The following STAT4 variants were observed in gnomAD, a reference collection of about 807,000 sequenced individuals.
STAT4 encodes the protein signal transducer and activator of transcription 4.
In STAT4, 42 loss-of-function variants were observed where a neutral mutation model predicts 110.5. The observed-to-expected ratio is 0.38, with a 90% CI of 0.30 to 0.49. The LOEUF (loss-of-function observed/expected upper bound fraction) is 0.49. Among genes scored for constraint, STAT4 ranks in the 20% least tolerant of loss-of-function variants. The probability of loss-of-function intolerance (pLI) is 0.95; values close to 1 mark genes in which losing one functional copy is unlikely to be tolerated. For missense variants in STAT4, 632 were observed against 887.9 expected (o/e 0.71, Z 3.66); for synonymous variants, 284 against 302.2 (o/e 0.94, Z 0.63).
intron 3 of STAT4, among the ~76,000 whole-genome samples, chr2:191,145,516 T>C (rs1176731662): frequency 6.6e-6 from 1 of 152,210 alleles, no homozygotes; most frequent in East Asian, 1.9e-4. Context: ...AAAGACAGAT[T>C]GCTGTATGCT....
In STAT4 at chr2:191,030,565, G is replaced by A. The variant is rs566744335; in HGVS notation, c.2220+407C>T. Among the ~76,000 whole-genome samples, 17 of 152,164 alleles carry A rather than the reference G, an allele frequency of 1.1e-4. No individual in the cohort carries two copies. The highest frequency in any genetic ancestry group is 3.6e-4 in the African/African-American group (15 of 41,500). ...TTTGCACTGTTAAGATAGCAAACTG[G>A]GTTTACTAGATAGTAAGTAACTAGT... is the stretch of plus-strand genomic sequence containing the variant. On this transcript the variant is annotated intron_variant, in intron 23 of 23. Coordinates refer to ENST00000392320, the MANE Select transcript of STAT4 (RefSeq NM_003151.4). The surrounding 1 kb of genome is among the most constrained non-coding windows in gnomAD (Gnocchi z 4.4).
rs3024926 is a variant in STAT4 at position 191,061,217 on chromosome 2, T to C, written c.1034+512A>G. ...AAAACTGTGGTATTGGGAGTTTTTG[T>C]GGAAAGTCTAATAAGCCAGTTACTG... On this transcript the variant is annotated intron_variant, in intron 10 of 23. Coordinates refer to ENST00000392320, the MANE Select transcript of STAT4 (RefSeq NM_003151.4). The surrounding 1 kb of genome is among the most constrained non-coding windows in gnomAD (Gnocchi z 6.2). 3.1e-3 allele frequency among the ~76,000 whole-genome samples: 465 copies of C among 152,282 alleles called. 2 individuals carry two copies. Among genetic ancestry groups the C allele is most frequent in the Non-Finnish European group, 4.9e-3 (335 of 68,012 alleles).
At chr2:191,109,397 A>G (rs1330628091) in intron 3 of STAT4, among the ~76,000 whole-genome samples, 3 of 152,098 alleles carry the variant, frequency 2.0e-5, no homozygotes, top group Non-Finnish European at 4.4e-5. Context: ...GCATTCACTC[A>G]GCAAATATCT....
At chr2:191,105,208 C>T (rs531100060) in intron 3 of STAT4, among the ~76,000 whole-genome samples, 1 of 152,304 alleles carries the variant, frequency 6.6e-6, no homozygotes, top group East Asian at 1.9e-4. Flanking sequence ...TTCCTCGTTC[C>T]CTGCTTTTGC....
At chr2:191,095,411 A>T (rs1437185345) in intron 3 of STAT4, among the ~76,000 whole-genome samples, 3 of 152,124 alleles carry the variant, frequency 2.0e-5, no homozygotes, top group African/African-American at 7.2e-5. Context: ...ACAACAAACT[A>T]TCTCTCAGAC....
At chr2:191,088,828 AG>A (rs954265224) in intron 3 of STAT4, among the ~76,000 whole-genome samples, 10 of 152,212 alleles carry the variant, frequency 6.6e-5, no homozygotes, top group Admixed American at 4.6e-4. Flanking sequence ...AACAGAACAA[AG>A]GTGGTCTTTT....
chr2:191,118,770 G>A (rs980077153), intron 3 of STAT4, among the ~76,000 whole-genome samples: 7 of 152,008 alleles, frequency 4.6e-5, no homozygotes, highest in Non-Finnish European at 7.4e-5. Flanking sequence ...TGTTATGATC[G>A]TTTTTTGAGT....
chr2:191,148,155 G>A lies in STAT4; in HGVS notation c.49C>T (p.Gln17Ter), dbSNP rs1699504085. Residue 17 changes from glutamine to a stop codon, truncating the protein, a stop_gained, in exon 2 of 24, where the codon CAG becomes TAG. Transcript: ENST00000392320. LOFTEE classifies it high-confidence loss of function. ...TTGTCATCATAGAATTGATCCACCTGCTCCAAAAACTTGATTTCTAACTGT... is the reference window on the plus strand; with the variant it reads ...TTGTCATCATAGAATTGATCCACCTACTCCAAAAACTTGATTTCTAACTGT... Reference protein sequence around the residue: ...VQQLEIKFLEQVDQFYDDNFP... With the variant: ...VQQLEIKFLE The A allele has an allele frequency of 6.2e-7, 1 of 1,613,738 alleles. No individual in the cohort carries two copies. The highest frequency in any genetic ancestry group is 8.5e-7 in the Non-Finnish European group (1 of 1,179,810).
In STAT4 at chr2:191,116,688, A is replaced by G. The variant is rs1484328004; in HGVS notation, c.273+29925T>C. 6.6e-6 allele frequency among the ~76,000 whole-genome samples: 1 copy of G among 152,188 alleles called. No individual in the cohort carries two copies. The highest frequency in any genetic ancestry group is 2.4e-5 in the African/African-American group (1 of 41,452). ...TATAATTACTTGCAATTACTTAATTACTGTCCTCTTTGGTTCATCACATAC... is the reference window on the plus strand; with the variant it reads ...TATAATTACTTGCAATTACTTAATTGCTGTCCTCTTTGGTTCATCACATAC... On this transcript the variant is annotated intron_variant, in intron 3 of 23. Transcript: ENST00000392320. The surrounding 1 kb of genome is among the most constrained non-coding windows in gnomAD (Gnocchi z 4.1).
At position 191,104,144 on chromosome 2, in the gene STAT4, C is replaced by T. The variant is rs1698214978; in HGVS notation, c.274-27819G>A. On this transcript the variant is annotated intron_variant, in intron 3 of 23. Coordinates refer to ENST00000392320, the MANE Select transcript of STAT4 (RefSeq NM_003151.4). The surrounding 1 kb of genome is among the most constrained non-coding windows in gnomAD (Gnocchi z 4.3). ...TTCATCTCTAATACTTTTAAAAAGA[C>T]AAGAAAAAATATACTAAAGTATCAA... 6.6e-6 allele frequency among the ~76,000 whole-genome samples: 1 copy of T among 151,968 alleles called. No homozygotes were observed. The highest frequency in any genetic ancestry group is 1.5e-5 in the Non-Finnish European group (1 of 67,960).
rs1284044738 is a variant in STAT4, at chr2:191,066,172, A to G, written c.630+258T>C. 6.6e-6 allele frequency among the ~76,000 whole-genome samples: 1 copy of G among 152,222 alleles called. No homozygotes were observed. Among genetic ancestry groups the G allele is most frequent in the African/African-American group, 2.4e-5 (1 of 41,448 alleles). ...TAATGACAAATAAAAATTGGGTAAA[A>G]TTTCCACCTTGAAATTAATGTTAGC... On this transcript the variant is annotated intron_variant, in intron 7 of 23. Transcript: ENST00000392320. The surrounding 1 kb of genome is among the most constrained non-coding windows in gnomAD (Gnocchi z 4.3).
At chr2:191,118,654 G>A (rs1485578764) in intron 3 of STAT4, among the ~76,000 whole-genome samples, 1 of 152,020 alleles carries the variant, frequency 6.6e-6, no homozygotes, top group Non-Finnish European at 1.5e-5. Flanking sequence ...TTTTTATTAT[G>A]AATAATAATA....
chr2:191,039,949 T>C lies in STAT4; in HGVS notation c.1336-652A>G, dbSNP rs1696143174. Among the ~76,000 whole-genome samples, 1 of 152,256 alleles carries C rather than the reference T, an allele frequency of 6.6e-6. No homozygotes were observed. The highest frequency in any genetic ancestry group is 6.5e-5 in the Admixed American group (1 of 15,286). The stretch of plus-strand genomic sequence containing the variant: ...ATAACAGACATCAGATTCCTGTAGA[T>C]GGTAAAATACCCATTTGAGGAACTT... On this transcript the variant is annotated intron_variant, in intron 15 of 23. Transcript: ENST00000392320. This position sits in a 1 kb window ranked among gnomAD's most constrained non-coding sequence, Gnocchi z 4.7.
rs190022268 is a variant in STAT4 at position 191,065,286 on chromosome 2, A to T, written c.631-328T>A. Among the ~76,000 whole-genome samples, 122 of 152,288 alleles carry T rather than the reference A, an allele frequency of 8.0e-4. 1 individual carries two copies. Among genetic ancestry groups the T allele is most frequent in the African/African-American group, 2.8e-3 (118 of 41,568 alleles). On this transcript the variant is annotated intron_variant, in intron 7 of 23. Coordinates refer to ENST00000392320, the MANE Select transcript of STAT4 (RefSeq NM_003151.4). ...TTGCTTATTAAAAGGATATTTATAT[A>T]TGTAATTTATTTTTTAATAAAGATG...
rs528802598 is a variant in STAT4, at chr2:191,092,241, T to C, written c.274-15916A>G. 3.3e-5 allele frequency among the ~76,000 whole-genome samples: 5 copies of C among 152,086 alleles called. No homozygotes were observed. The East Asian group carries it at 9.7e-4, about 29-fold the overall frequency. On this transcript the variant is annotated intron_variant, in intron 3 of 23. Coordinates refer to ENST00000392320, the MANE Select transcript of STAT4 (RefSeq NM_003151.4). ...CAACATGGTGAAACCCTGTCTCTAC[T>C]AAAAATACAAAAATTAGCCAGGCAT... is the stretch of plus-strand genomic sequence containing the variant.
chr2:191,083,779 T>C lies in STAT4; in HGVS notation c.274-7454A>G, dbSNP rs1697553508. Among the ~76,000 whole-genome samples the C allele has an allele frequency of 6.6e-6, 1 of 152,152 alleles. No individual in the cohort carries two copies. Among genetic ancestry groups the C allele is most frequent in the Non-Finnish European group, 1.5e-5 (1 of 68,014 alleles). ...CTCGCCAATGTCAAACACACTGGCC[T>C]GTGTGGGTATCAAACTGACTTACTC... is the stretch of plus-strand genomic sequence containing the variant. On this transcript the variant is annotated intron_variant, in intron 3 of 23. Coordinates refer to ENST00000392320, the MANE Select transcript of STAT4 (RefSeq NM_003151.4). This position sits in a 1 kb window ranked among gnomAD's most constrained non-coding sequence, Gnocchi z 4.6.
At chr2:191,073,706 A>AAAC (rs1697232439) in intron 4 of STAT4, among the ~76,000 whole-genome samples, 1 of 151,974 alleles carries the variant, frequency 6.6e-6, no homozygotes, top group Non-Finnish European at 1.5e-5. Context: ...ACAAACAAAC[A>AAAC]AACAAGCCCA....
At chr2:191,036,390 C>A in intron 16 of STAT4, 91 bp from the exon 17 acceptor site, 1 of 1,311,274 alleles carries the variant, frequency 7.6e-7, no homozygotes, top group East Asian at 2.4e-5. Flanking sequence ...TCCCCCTCTC[C>A]CCACACACAT....
At chr2:191,044,367 T>C (rs1696289099) in intron 14 of STAT4, among the ~76,000 whole-genome samples, 1 of 152,148 alleles carries the variant, frequency 6.6e-6, no homozygotes. Flanking sequence ...TAGAAGACAA[T>C]GGAAAAGTGC....
Sources: allele counts gnomAD v4.1 joint callset (sites outside exome capture counted in the v4.1 genomes callset), GRCh38; gene constraint gnomAD v4.1.1; non-coding constraint Gnocchi (gnomAD v3.1); transcripts MANE v1.5; gene names NCBI Gene and HGNC (gene_info 2026-07-23, HGNC 2026-07-21).